The following KCNMA1 variants were observed in gnomAD, a reference collection of about 807,000 sequenced individuals.
KCNMA1 encodes the protein potassium calcium-activated channel subfamily M alpha 1.
KCNMA1 carries 29 observed loss-of-function variants against 140.0 expected under a neutral mutation model. The observed-to-expected ratio is 0.21, with a 90% CI of 0.15 to 0.28. The LOEUF is 0.28. KCNMA1 is among the 10% of genes least tolerant of loss of function. The probability of loss-of-function intolerance (pLI) is 1.00; values close to 1 mark genes in which losing one functional copy is unlikely to be tolerated. For synonymous variants in KCNMA1, 612 were observed against 611.9 expected, an observed-to-expected ratio of 1.00 and a Z score of 0.00; for missense variants, 880 against 1,602.2, an observed-to-expected ratio of 0.55 and a Z score of 7.70.
chr10:77,312,516 C>T (rs1159465073), intron 2 of KCNMA1, among the ~76,000 whole-genome samples: 1 of 152,182 alleles, frequency 6.6e-6, no homozygotes, highest in Non-Finnish European at 1.5e-5. Context: ...ATCCCAGCTA[C>T]TTGGGAGGCT....
intron 26 of KCNMA1, 103 bp downstream of exon 26, chr10:76,891,422 G>A: frequency 1.2e-6 from 1 of 847,828 alleles, no homozygotes; most frequent in Non-Finnish European, 1.9e-6. Flanking sequence ...CAATAGGAAG[G>A]AGAAAAGCCA....
intron 1 of KCNMA1, among the ~76,000 whole-genome samples, chr10:77,477,269 G>A (rs2098299168): frequency 6.6e-6 from 1 of 152,210 alleles, no homozygotes; most frequent in Admixed American, 6.5e-5. Context: ...GATTCTGTTG[G>A]CTGATAGGAA....
In KCNMA1 at chr10:77,019,470, T is replaced by C. The variant is rs571951991; in HGVS notation, c.1929-371A>G. On this transcript the variant is annotated intron_variant, in intron 16 of 27. Transcript: ENST00000286628. The stretch of plus-strand genomic sequence containing the variant: ...GCTATTGGTGGTCAACACGGAAGCA[T>C]TATTGGCCTGATGAAGCTATTGCTA... The C allele has an allele frequency of 5.5e-5, 14 of 253,688 alleles. No individual in the cohort carries two copies. The East Asian group carries it at 1.4e-3, about 25-fold the overall frequency. 15.7% of individuals were successfully genotyped at this position (253,688 alleles called of 1,614,324 possible).
intron 3 of KCNMA1, among the ~76,000 whole-genome samples, chr10:77,195,930 C>T (rs772692839): frequency 3.2e-4 from 49 of 151,988 alleles, no homozygotes; most frequent in Admixed American, 1.3e-3. Context: ...GCCTGGGCAA[C>T]GGAGTGAGAC....
chr10:76,897,455 A>G (rs1420397459), intron 25 of KCNMA1, among the ~76,000 whole-genome samples: 1 of 152,106 alleles, frequency 6.6e-6, no homozygotes, highest in Non-Finnish European at 1.5e-5. Flanking sequence ...TGTAAGAGGA[A>G]TGTCAAAGGA....
chr10:77,016,418 CT>C (rs553573168), intron 17 of KCNMA1, among the ~76,000 whole-genome samples: 382 of 152,290 alleles, frequency 2.5e-3, no homozygotes, highest in Admixed American at 4.1e-3. Flanking sequence ...TCCCTGGTGC[CT>C]TGTATAGAGC....
At chr10:77,065,443 C>G (rs1339518614) in intron 14 of KCNMA1, among the ~76,000 whole-genome samples, 1 of 152,084 alleles carries the variant, frequency 6.6e-6, no homozygotes, top group African/African-American at 2.4e-5. Context: ...CTCTAGAGAC[C>G]CTCACAAGCC....
chr10:77,020,979 G>A (rs2092767817), intron 16 of KCNMA1: 1 of 151,954 alleles, frequency 6.6e-6, no homozygotes, highest in African/African-American at 2.4e-5. Flanking sequence ...TGTATAGAAG[G>A]CTCAATGCAT....
intron 14 of KCNMA1, among the ~76,000 whole-genome samples, chr10:77,045,185 A>G (rs2094968648): frequency 6.6e-6 from 1 of 152,246 alleles, no homozygotes; most frequent in South Asian, 2.1e-4. Flanking sequence ...ATGTATTTTT[A>G]ACTGTAATGT....
intron 2 of KCNMA1, among the ~76,000 whole-genome samples, chr10:77,315,220 G>A (rs1215032921): frequency 6.6e-6 from 1 of 152,170 alleles, no homozygotes; most frequent in Non-Finnish European, 1.5e-5. Flanking sequence ...CCTACGTTTG[G>A]TTGTGTGTAA....
At chr10:76,932,964 G>A (rs2059642022) in intron 23 of KCNMA1, among the ~76,000 whole-genome samples, 1 of 152,188 alleles carries the variant, frequency 6.6e-6, no homozygotes, top group Non-Finnish European at 1.5e-5. Context: ...TTGGTACTGT[G>A]TAATAGTACA....
intron 1 of KCNMA1, among the ~76,000 whole-genome samples, chr10:77,555,057 T>TACACACACACACACACACACACACAC (rs111952376): frequency 2.5e-4 from 38 of 151,540 alleles, no homozygotes; most frequent in African/African-American, 9.0e-4. Context: ...TCTTACCACA[T>TACACACACACACACACACACACACAC]ACACACACGC....
chr10:77,405,486 C>G (rs2096441977), intron 1 of KCNMA1, among the ~76,000 whole-genome samples: 1 of 152,146 alleles, frequency 6.6e-6, no homozygotes, highest in South Asian at 2.1e-4. Flanking sequence ...TTAGTGTTGC[C>G]AGATAAAATA....
At chr10:77,590,303 T>G (rs998488066) in intron 1 of KCNMA1, among the ~76,000 whole-genome samples, 10 of 152,126 alleles carry the variant, frequency 6.6e-5, no homozygotes, top group Admixed American at 5.9e-4. Flanking sequence ...CCTTGGGTGG[T>G]CGATGGGACT....
At chr10:77,506,707 C>T (rs867900194) in intron 1 of KCNMA1, among the ~76,000 whole-genome samples, 8 of 42,174 alleles carry the variant, frequency 1.9e-4, no homozygotes, top group Non-Finnish European at 3.1e-4. Context: ...AGAGATGTTC[C>T]GAGAGAGAGA....
intron 9 of KCNMA1, among the ~76,000 whole-genome samples, chr10:77,101,474 T>C (rs2097095967): frequency 6.6e-6 from 1 of 152,220 alleles, no homozygotes; most frequent in Admixed American, 6.5e-5. Context: ...TTTATAAAGA[T>C]CGGTTATTGG....
At chr10:77,181,816 A>T (rs2098805047) in intron 5 of KCNMA1, among the ~76,000 whole-genome samples, 1 of 152,212 alleles carries the variant, frequency 6.6e-6, no homozygotes, top group Admixed American at 6.5e-5. Context: ...AACCAAGCAT[A>T]TCTCAGGTCC....
At chr10:77,044,602 C>G (rs2094931706) in intron 14 of KCNMA1, among the ~76,000 whole-genome samples, 1 of 152,112 alleles carries the variant, frequency 6.6e-6, no homozygotes, top group Admixed American at 6.5e-5. Flanking sequence ...TGAGCTATGA[C>G]TGCGCCACTG....
intron 3 of KCNMA1, among the ~76,000 whole-genome samples, chr10:77,208,310 G>A (rs773102154): frequency 1.1e-4 from 17 of 152,130 alleles, no homozygotes; most frequent in Non-Finnish European, 2.4e-4. Context: ...ACTGCTGTGG[G>A]TTGACCTCAA....
Sources: gnomAD v4.1 joint callset for allele counts (sites outside exome capture counted in the v4.1 genomes callset) on GRCh38, gnomAD v4.1.1 for gene constraint, MANE v1.5 for transcripts, NCBI Gene and HGNC (gene_info 2026-07-23, HGNC 2026-07-21) for gene names.